Variants in LRRC69 observed in about 807,000 individuals in gnomAD.
LRRC69 encodes leucine rich repeat containing 69.
In LRRC69, 42 loss-of-function variants were observed where a neutral mutation model predicts 37.8. The ratio of observed to expected loss-of-function variants is 1.11; its 90% CI spans 0.87 to 1.44. The LOEUF (loss-of-function observed/expected upper bound fraction) is 1.44, where lower values mean the gene tolerates loss of function less well. Ranked by LOEUF, LRRC69 falls within the 40% of genes most tolerant of loss-of-function variation. The probability of loss-of-function intolerance (pLI) is 0.00; values close to 1 mark genes in which losing one functional copy is unlikely to be tolerated. For synonymous variants in LRRC69, 141 were observed against 143.1 expected, an observed-to-expected ratio of 0.99 and a Z score of 0.11; for missense variants, 357 against 401.9, an observed-to-expected ratio of 0.89 and a Z score of 0.96.
intron 7 of LRRC69, among the ~76,000 whole-genome samples, chr8:91,203,195 A>C (rs1392538352): frequency 6.6e-6 from 1 of 151,936 alleles, no homozygotes; most frequent in East Asian, 1.9e-4. Context: ...TCTAGGACTC[A>C]TTGTTAGCTG....
At chr8:91,107,817 G>A (rs1813344667) in intron 1 of LRRC69, among the ~76,000 whole-genome samples, 1 of 152,052 alleles carries the variant, frequency 6.6e-6, no homozygotes, top group Admixed American at 6.6e-5. Context: ...AATGCATTTG[G>A]ACTGTGGCTC....
chr8:91,182,603 G>A (rs753118122), intron 5 of LRRC69, among the ~76,000 whole-genome samples: 21 of 152,172 alleles, frequency 1.4e-4, no homozygotes, highest in South Asian at 2.1e-4. Flanking sequence ...TATTATTCCC[G>A]TTTTACTTAA....
chr8:91,106,410 C>T (rs1425897086), intron 1 of LRRC69, among the ~76,000 whole-genome samples: 1 of 151,852 alleles, frequency 6.6e-6, no homozygotes, highest in Non-Finnish European at 1.5e-5. Flanking sequence ...TTTTTAAGTT[C>T]CTAAAACAAA....
chr8:91,139,653 G>A (rs1808498476), intron 5 of LRRC69, among the ~76,000 whole-genome samples: 1 of 151,564 alleles, frequency 6.6e-6, no homozygotes. Context: ...GTAAGACTCC[G>A]TCTCAAAAAA....
intron 5 of LRRC69, among the ~76,000 whole-genome samples, 177 bp from the exon 6 acceptor site, chr8:91,189,345 G>C (rs1044525682): frequency 6.6e-6 from 1 of 152,122 alleles, no homozygotes; most frequent in Non-Finnish European, 1.5e-5. Flanking sequence ...CTGATAAGTA[G>C]AGTATGCCCC....
chr8:91,124,718 C>CT lies in LRRC69; in HGVS notation c.310+106dup, dbSNP rs1314924735. On this transcript the variant is annotated intron_variant, in intron 2 of 7. Transcript: ENST00000448384. ...TGAAAAAGAATTTTGCATGTTTAATCTTTTTTTGTTGGAGATATTTACATA... is the reference window on the plus strand; with the variant it reads ...TGAAAAAGAATTTTGCATGTTTAATCTTTTTTTTGTTGGAGATATTTACATA... 2.6e-5 allele frequency: 29 copies of CT among 1,097,106 alleles called. 1 individual carries two copies. Among genetic ancestry groups the CT allele is most frequent in the Non-Finnish European group, 3.4e-5 (27 of 789,038 alleles). The allele number at this position is 1,097,106 out of a possible 1,614,324, so 68.0% of individuals were successfully genotyped here. A position where few individuals can be genotyped will look rare whatever the true frequency, so the allele number is the denominator to read the frequency against.
chr8:91,212,890 T>C (rs537964834), intron 7 of LRRC69, among the ~76,000 whole-genome samples: 2 of 152,218 alleles, frequency 1.3e-5, no homozygotes, highest in South Asian at 4.1e-4. Context: ...ACAATTAGAG[T>C]ATAAACATGA....
intron 5 of LRRC69, among the ~76,000 whole-genome samples, chr8:91,166,492 GAAAAAAAAA>G (rs66705016): frequency 2.9e-4 from 28 of 95,256 alleles, no homozygotes; most frequent in South Asian, 2.5e-3. Flanking sequence ...AAAATAAACT[GAAAAAAAAA>G]AAAAAAAAAA....
rs573077632 is a variant in LRRC69, at chr8:91,108,643, G to A, written c.183+5799G>A. On this transcript the variant is annotated intron_variant, in intron 1 of 7. Transcript: ENST00000448384. The stretch of plus-strand genomic sequence containing the variant: ...AGCAAGCTTGTCTAACCCGTGGCCC[G>A]CGGGCCACATGCGGCCCAGGACGGC... 1.2e-4 allele frequency among the ~76,000 whole-genome samples: 19 copies of A among 152,110 alleles called. No individual in the cohort carries two copies. In the South Asian group the frequency reaches 1.9e-3, roughly 15 times the overall value.
chr8:91,148,597 C>T (rs1167122407), intron 5 of LRRC69, among the ~76,000 whole-genome samples: 1 of 151,922 alleles, frequency 6.6e-6, no homozygotes, highest in Non-Finnish European at 1.5e-5. Flanking sequence ...GGTATATAAC[C>T]AGTAATGGGA....
chr8:91,134,708 C>T (rs1044507430), intron 4 of LRRC69, among the ~76,000 whole-genome samples: 27 of 151,938 alleles, frequency 1.8e-4, no homozygotes, highest in African/African-American at 6.3e-4. Flanking sequence ...TAGTTCTATC[C>T]CAAACAACTG....
chr8:91,211,617 T>TA (rs1491299767), intron 7 of LRRC69, among the ~76,000 whole-genome samples: 19,277 of 119,044 alleles, frequency 0.16, 1,519 homozygotes, highest in Non-Finnish European at 0.22. Context: ...TATATATATA[T>TA]TTTTTTTTTA....
At chr8:91,104,696 C>T (rs1468291680) in intron 1 of LRRC69, among the ~76,000 whole-genome samples, 1 of 151,986 alleles carries the variant, frequency 6.6e-6, no homozygotes, top group Admixed American at 6.6e-5. Context: ...CTTTGTTGCT[C>T]TCTTAAATTG....
At chr8:91,211,951 G>A (rs1399427105) in intron 7 of LRRC69, among the ~76,000 whole-genome samples, 1 of 152,040 alleles carries the variant, frequency 6.6e-6, no homozygotes, top group Non-Finnish European at 1.5e-5. Flanking sequence ...TTGCTTTAAT[G>A]AAATAATGAG....
intron 6 of LRRC69, among the ~76,000 whole-genome samples, chr8:91,194,428 G>T (rs1484273163): frequency 1.3e-5 from 2 of 151,906 alleles, no homozygotes; most frequent in Non-Finnish European, 2.9e-5. Context: ...AATGGTACCA[G>T]TTCCTCCTTG....
chr8:91,147,866 G>GC (rs982954501), intron 5 of LRRC69, among the ~76,000 whole-genome samples: 11 of 151,270 alleles, frequency 7.3e-5, no homozygotes, highest in Non-Finnish European at 1.0e-4. Flanking sequence ...TCCCCACCTG[G>GC]CCCCCCCAAC....
intron 5 of LRRC69, among the ~76,000 whole-genome samples, chr8:91,186,284 A>C (rs1322032069): frequency 6.6e-6 from 1 of 152,226 alleles, no homozygotes; most frequent in Non-Finnish European, 1.5e-5. Context: ...AGACTTTTCA[A>C]CAATGATTGT....
At chr8:91,199,145 A>C (rs1209809151) in intron 6 of LRRC69, among the ~76,000 whole-genome samples, 1 of 152,200 alleles carries the variant, frequency 6.6e-6, no homozygotes, top group East Asian at 1.9e-4. Context: ...CTTTATAATA[A>C]GACTTGGCCA....
At chr8:91,216,281 C>T (rs1165195140) in intron 7 of LRRC69, among the ~76,000 whole-genome samples, 1 of 152,076 alleles carries the variant, frequency 6.6e-6, no homozygotes, top group African/African-American at 2.4e-5. Flanking sequence ...TTCCTGCTTG[C>T]AATAAGAGCC....
Sources: allele counts gnomAD v4.1 joint callset (sites outside exome capture counted in the v4.1 genomes callset), GRCh38; gene constraint gnomAD v4.1.1; transcripts MANE v1.5; gene names NCBI Gene and HGNC (gene_info 2026-07-23, HGNC 2026-07-21).